The following SEMA3F variants were observed in gnomAD, a reference collection of about 807,000 sequenced individuals.
The protein encoded by SEMA3F is semaphorin-3F.
A neutral mutation model predicts 98.5 loss-of-function variants in SEMA3F; 30 were observed. The observed-to-expected ratio is 0.30, with a 90% CI of 0.23 to 0.41. SEMA3F has a LOEUF of 0.41. Ranked by LOEUF, SEMA3F falls within the 10% of genes least tolerant of loss-of-function variation. The pLI is 1.00. For missense variants in SEMA3F, 866 were observed against 1,119.3 expected (o/e 0.77, Z 3.23); for synonymous variants, 380 against 444.8 (o/e 0.85, Z 1.83).
In SEMA3F at chr3:50,187,717, G is replaced by T; in HGVS notation, c.1960G>T (p.Asp654Tyr). ...CTTGCCCCTGCAGATTCGTGCAGAG[G>T]ACCGCTTCCTGCGCACAGAGCAGGG... ...GDRRREIRAE[D>Y]RFLRTEQGLL... Residue 654 changes from aspartate (D) to tyrosine (Y), a missense_variant, in exon 19 of 19, where the codon GAC (aspartate) becomes TAC (tyrosine). Physicochemically the swap from Asp to Tyr is radical, Grantham distance 160. This residue lies in a region of SEMA3F where 245 missense variants were observed against 260.5 expected (regional missense o/e 0.94). Transcript: ENST00000002829. 6.3e-7 allele frequency: 1 copy of T among 1,593,996 alleles called. No homozygotes were observed. Among genetic ancestry groups the T allele is most frequent in the Non-Finnish European group, 8.6e-7 (1 of 1,166,010 alleles).
intron 2 of SEMA3F, among the ~76,000 whole-genome samples, chr3:50,160,252 A>C (rs1322385887): frequency 6.6e-6 from 1 of 152,112 alleles, no homozygotes; most frequent in Non-Finnish European, 1.5e-5. Flanking sequence ...AAGGGTTCCT[A>C]GAATCCAGGA....
intron 2 of SEMA3F, among the ~76,000 whole-genome samples, chr3:50,165,581 T>A (rs1263293584): frequency 2.6e-5 from 4 of 152,220 alleles, no homozygotes; most frequent in African/African-American, 9.6e-5. Flanking sequence ...CATGTTTGCC[T>A]GGCTTGGCCT....
chr3:50,159,671 T>A lies in SEMA3F; in HGVS notation c.49T>A (p.Trp17Arg). 1.7e-5 allele frequency: 27 copies of A among 1,613,244 alleles called. No homozygotes were observed. The highest frequency in any genetic ancestry group is 2.3e-5 in the Non-Finnish European group (27 of 1,179,732). ...CTGGGCTTCCCTACTGACCGGGGCCTGGCCATCCTTCCCCACCCAGGACCA... is the reference window on the plus strand; with the variant it reads ...CTGGGCTTCCCTACTGACCGGGGCCAGGCCATCCTTCCCCACCCAGGACCA... ...LLWASLLTGA[W>R]PSFPTQDHLP... The change falls in exon 2 of 19, where the codon TGG becomes AGG. Residue 17 changes from tryptophan (W) to arginine (R), a missense_variant. By Grantham distance (101) the Trp-to-Arg change is moderately radical. Coordinates refer to ENST00000002829, the MANE Select transcript of SEMA3F (RefSeq NM_004186.5).
chr3:50,177,859 TAA>T (rs1359946775), intron 7 of SEMA3F, among the ~76,000 whole-genome samples: 1 of 151,936 alleles, frequency 6.6e-6, no homozygotes, highest in Non-Finnish European at 1.5e-5. Flanking sequence ...CTGTCTCTAC[TAA>T]AAAATAAAAA....
rs534946437 is a variant in SEMA3F at position 50,159,994 on chromosome 3, G to A, written c.112+260G>A. Among the ~76,000 whole-genome samples, 44 of 152,304 alleles carry A rather than the reference G, an allele frequency of 2.9e-4. 1 individual carries two copies. The highest frequency in any genetic ancestry group is 4.1e-4 in the Non-Finnish European group (28 of 68,030). ...CAGACTGTGGGTTCCTGGGCTGGGT[G>A]GCCTGAGGTCTGTAGGGCATGTCTT... On this transcript the variant is annotated intron_variant, in intron 2 of 18. Transcript: ENST00000002829.
chr3:50,170,992 G>A (rs1698577272), intron 2 of SEMA3F, among the ~76,000 whole-genome samples: 1 of 152,146 alleles, frequency 6.6e-6, no homozygotes, highest in South Asian at 2.1e-4. Flanking sequence ...CTTCCCCTGG[G>A]CCTCCCCCTC....
intron 18 of SEMA3F, among the ~76,000 whole-genome samples, chr3:50,187,182 T>C (rs1699250124): frequency 6.6e-6 from 1 of 152,108 alleles, no homozygotes; most frequent in South Asian, 2.1e-4. Flanking sequence ...ACCCCAACAC[T>C]TTGGGAAGCC....
intron 1 of SEMA3F, 39 bp from the exon 2 acceptor site, chr3:50,159,536 A>G (rs1266193301): frequency 1.7e-5 from 13 of 767,890 alleles, no homozygotes; most frequent in Non-Finnish European, 2.6e-5. Flanking sequence ...GAACTCCCCC[A>G]TCTGCCTCAC....
At position 50,174,042 on chromosome 3, in the gene SEMA3F, C is replaced by CT. The variant is rs1698712237; in HGVS notation, c.274-9dup. 6.2e-7 allele frequency: 1 copy of CT among 1,613,982 alleles called. No homozygotes were observed. The highest frequency in any genetic ancestry group is 1.3e-5 in the African/African-American group (1 of 74,932). Reference sequence around the variant, plus strand: ...CAGAAGGCTGCACCTTCTGACCCCCCTCTCTGCAGATACACTGGGCAGCCT... The same window carrying CT: ...CAGAAGGCTGCACCTTCTGACCCCCCTTCTCTGCAGATACACTGGGCAGCCT... On this transcript the variant is annotated splice_polypyrimidine_tract_variant and intron_variant, in intron 3 of 18. Coordinates refer to ENST00000002829, the MANE Select transcript of SEMA3F (RefSeq NM_004186.5).
In SEMA3F at chr3:50,166,224, A is replaced by G. The variant is rs979854813; in HGVS notation, c.112+6490A>G. 7.0e-6 allele frequency among the ~76,000 whole-genome samples: 1 copy of G among 141,878 alleles called. No homozygotes were observed. Among genetic ancestry groups the G allele is most frequent in the Admixed American group, 7.1e-5 (1 of 14,148 alleles). 93.1% of individuals were successfully genotyped at this position (141,878 alleles called of 152,430 possible). On this transcript the variant is annotated intron_variant, in intron 2 of 18. Coordinates refer to ENST00000002829, the MANE Select transcript of SEMA3F (RefSeq NM_004186.5). The surrounding 1 kb of genome is among the most constrained non-coding windows in gnomAD (Gnocchi z 4.7). Reference sequence around the variant, plus strand: ...CCAGCCAAGAGCCTTGTTCCTTCCCACTTGGGGCTCGGTGCTGATGCCCTC... The same window carrying G: ...CCAGCCAAGAGCCTTGTTCCTTCCCGCTTGGGGCTCGGTGCTGATGCCCTC...
intron 15 of SEMA3F, 62 bp from the exon 16 acceptor site, chr3:50,185,827 G>C (rs1559739309): frequency 6.9e-6 from 11 of 1,604,824 alleles, no homozygotes; most frequent in Admixed American, 1.7e-5. Flanking sequence ...GCCCAGCCTA[G>C]CTGGCTGTTG....
intron 12 of SEMA3F, 61 bp from the exon 13 acceptor site, chr3:50,184,531 T>C: frequency 7.8e-7 from 1 of 1,285,488 alleles, no homozygotes; most frequent in Middle Eastern, 1.8e-4. Context: ...CTTCTGAAGC[T>C]AATGGCTCCA....
In SEMA3F at chr3:50,173,827, C is replaced by A. The variant is rs1698702423; in HGVS notation, c.147C>A (p.Asn49Lys). 6.2e-7 allele frequency: 1 copy of A among 1,614,140 alleles called. No homozygotes were observed. The highest frequency in any genetic ancestry group is 1.3e-5 in the African/African-American group (1 of 75,052). Reference sequence around the variant, plus strand: ...CCACAGGCACCGCCCACTTCTTCAACTTCCTGCTCAACACAACCGACTACC... The same window carrying A: ...CCACAGGCACCGCCCACTTCTTCAAATTCCTGCTCAACACAACCGACTACC... The part of the protein sequence containing the change: ...LKATGTAHFF[N>K]FLLNTTDYRI... Residue 49 changes from asparagine to lysine, a missense_variant, in exon 3 of 19, where the codon AAC becomes AAA. By Grantham distance (94) the Asn-to-Lys change is moderately conservative. Around this residue, in one of 3 missense-constraint regions of SEMA3F, gnomAD observed 247 missense variants for 276.0 expected, o/e 0.89. Coordinates refer to ENST00000002829, the MANE Select transcript of SEMA3F (RefSeq NM_004186.5).
chr3:50,177,510 C>T (rs1039028804), intron 7 of SEMA3F, among the ~76,000 whole-genome samples: 1 of 152,218 alleles, frequency 6.6e-6, no homozygotes, highest in Non-Finnish European at 1.5e-5. Flanking sequence ...GGGCACTGTG[C>T]CACCTCCAAG....
intron 2 of SEMA3F, among the ~76,000 whole-genome samples, chr3:50,161,746 C>T (rs1698216646): frequency 6.6e-6 from 1 of 152,246 alleles, no homozygotes; most frequent in African/African-American, 2.4e-5. Context: ...TGCTCACAGT[C>T]AAGCTGGTGG....
intron 5 of SEMA3F, 101 bp downstream of exon 5, chr3:50,174,451 AG>A (rs1361441149): frequency 7.0e-7 from 1 of 1,433,744 alleles, no homozygotes; most frequent in Non-Finnish European, 9.4e-7. Context: ...GCCACTTCCG[AG>A]CCTTTTGACC....
Position 50,182,456 on chromosome 3 carries a change from G to A in SEMA3F, c.763+53G>A, listed in dbSNP as rs1699049517. On this transcript the variant is annotated intron_variant, in intron 8 of 18. Transcript: ENST00000002829. This position sits in a 1 kb window ranked among gnomAD's most constrained non-coding sequence, Gnocchi z 4.5. ...TGGCCATGTGTCTGGGATGCGGCAAGGAGGTCGTAAAGAAGCACATGTGGG... is the reference window on the plus strand; with the variant it reads ...TGGCCATGTGTCTGGGATGCGGCAAAGAGGTCGTAAAGAAGCACATGTGGG... The A allele has an allele frequency of 6.2e-7, 1 of 1,608,690 alleles. No individual in the cohort carries two copies. The highest frequency in any genetic ancestry group is 8.5e-7 in the Non-Finnish European group (1 of 1,178,950).
Position 50,169,896 on chromosome 3 carries a change from G to C in SEMA3F, c.113-3897G>C, listed in dbSNP as rs184831006. Among the ~76,000 whole-genome samples the C allele has an allele frequency of 1.3e-3, 195 of 152,342 alleles. No homozygotes were observed. The Middle Eastern group carries it at 0.017, about 13-fold the overall frequency. On this transcript the variant is annotated intron_variant, in intron 2 of 18. Transcript: ENST00000002829. ...TAGGATCTGGCACCTGCTGATGGCA[G>C]GTTTTGGAGGAGGATACCCAGGGCT...
Position 50,185,529 on chromosome 3 carries a change from A to C in SEMA3F, c.1543A>C (p.Lys515Gln). 2 of 1,613,852 alleles carry C rather than the reference A, an allele frequency of 1.2e-6. No homozygotes were observed. The highest frequency in any genetic ancestry group is 1.7e-6 in the Non-Finnish European group (2 of 1,179,810). Residue 515 changes from lysine to glutamine, a missense_variant and splice_region_variant, in exon 14 of 19, where the codon AAG (lysine) becomes CAG (glutamine). By Grantham distance (53) the Lys-to-Gln change is moderately conservative. Around this residue, in one of 3 missense-constraint regions of SEMA3F, gnomAD observed 374 missense variants for 582.8 expected, o/e 0.64. Coordinates refer to ENST00000002829, the MANE Select transcript of SEMA3F (RefSeq NM_004186.5). ...ELMLEEVEVF[K>Q]DPAPVKTMTI... ...CATGCTGGAGGAGGTGGAGGTCTTC[A>C]AGGTGGGTGTGACACCACCCAGTCC...
Sources: gnomAD v4.1 joint callset for allele counts (sites outside exome capture counted in the v4.1 genomes callset) on GRCh38, gnomAD v4.1.1 for gene constraint, gnomAD v4.1.1 regional missense constraint, Gnocchi (gnomAD v3.1) non-coding constraint, MANE v1.5 for transcripts, NCBI Gene and HGNC (gene_info 2026-07-23, HGNC 2026-07-21) for gene names.